Variants in MARCHF1 observed in about 807,000 individuals in gnomAD.
The protein encoded by MARCHF1 is membrane associated ring-CH-type finger 1.
In MARCHF1, 40 loss-of-function variants were observed where a neutral mutation model predicts 54.2. The ratio of observed to expected loss-of-function variants is 0.74; its 90% CI spans 0.57 to 0.96. MARCHF1 has a LOEUF of 0.96. Among genes scored for constraint, MARCHF1 ranks in the 40% least tolerant of loss-of-function variants. The pLI is 0.00. For synonymous variants in MARCHF1, 236 were observed against 236.3 expected, an observed-to-expected ratio of 1.00 and a Z score of 0.01; for missense variants, 586 against 656.5, an observed-to-expected ratio of 0.89 and a Z score of 1.17.
At chr4:164,043,374 C>A (rs906350452) in intron 2 of MARCHF1, among the ~76,000 whole-genome samples, 1 of 152,150 alleles carries the variant, frequency 6.6e-6, no homozygotes, top group Non-Finnish European at 1.5e-5. Flanking sequence ...ATGGAAACTG[C>A]CAAGGCTTGG....
chr4:163,988,753 A>G (rs1192284007), intron 2 of MARCHF1, 44 bp from the exon 3 acceptor site: 2 of 152,270 alleles, frequency 1.3e-5, no homozygotes, highest in African/African-American at 4.8e-5. Flanking sequence ...ACTGTGCAGC[A>G]GAGGCCAGAG....
At chr4:163,781,149 G>C (rs563137456) in intron 4 of MARCHF1, among the ~76,000 whole-genome samples, 4 of 152,228 alleles carry the variant, frequency 2.6e-5, no homozygotes, top group Non-Finnish European at 4.4e-5. Flanking sequence ...TCAGGAGTTC[G>C]AGACCAGCCT....
chr4:164,318,827 A>G (rs1245055772), intron 1 of MARCHF1, among the ~76,000 whole-genome samples: 1 of 152,240 alleles, frequency 6.6e-6, no homozygotes, highest in Admixed American at 6.5e-5. Flanking sequence ...AGTACTTGTT[A>G]TAAAAAAATT....
intron 4 of MARCHF1, among the ~76,000 whole-genome samples, chr4:163,813,596 T>A (rs922301651): frequency 6.6e-6 from 1 of 152,200 alleles, no homozygotes; most frequent in South Asian, 2.1e-4. Context: ...TTTGAATACA[T>A]AAATTACCTT....
chr4:163,697,122 G>A (rs1561024983), intron 5 of MARCHF1, among the ~76,000 whole-genome samples: 2 of 152,112 alleles, frequency 1.3e-5, no homozygotes, highest in Admixed American at 6.6e-5. Flanking sequence ...TGCTCAATGA[G>A]TTTGACGACA....
intron 1 of MARCHF1, among the ~76,000 whole-genome samples, chr4:164,277,182 A>G (rs2111327430): frequency 6.6e-6 from 1 of 152,042 alleles, no homozygotes; most frequent in Non-Finnish European, 1.5e-5. Flanking sequence ...TGACATATTA[A>G]AAGTAAACAT....
At chr4:164,006,339 A>T (rs1241356037) in intron 2 of MARCHF1, among the ~76,000 whole-genome samples, 2 of 152,186 alleles carry the variant, frequency 1.3e-5, no homozygotes, top group Non-Finnish European at 2.9e-5. Context: ...AGAACTCATT[A>T]GAGGCTCTCA....
intron 1 of MARCHF1, among the ~76,000 whole-genome samples, chr4:164,297,789 T>C (rs1047513226): frequency 6.6e-6 from 1 of 152,166 alleles, no homozygotes; most frequent in African/African-American, 2.4e-5. Flanking sequence ...GCAATTTTTC[T>C]ATAAATCTAA....
chr4:163,641,629 C>T (rs1380815794), intron 5 of MARCHF1, among the ~76,000 whole-genome samples: 3 of 152,160 alleles, frequency 2.0e-5, no homozygotes, highest in Admixed American at 2.0e-4. Context: ...ATGTTCCTTT[C>T]TGAAGTCCTA....
chr4:163,581,195 G>A (rs1056924433), intron 8 of MARCHF1, among the ~76,000 whole-genome samples: 5 of 152,316 alleles, frequency 3.3e-5, no homozygotes, highest in Admixed American at 6.5e-5. Context: ...GAATCAGGGA[G>A]CTTTGAGTTG....
intron 4 of MARCHF1, among the ~76,000 whole-genome samples, chr4:163,791,221 A>G (rs1747766082): frequency 6.6e-6 from 1 of 152,118 alleles, no homozygotes. Flanking sequence ...GAAACTTACG[A>G]TAGGTATGTG....
intron 3 of MARCHF1, among the ~76,000 whole-genome samples, chr4:163,983,406 T>C (rs1035149542): frequency 6.6e-6 from 1 of 152,152 alleles, no homozygotes; most frequent in African/African-American, 2.4e-5. Context: ...TTATTATTTA[T>C]TTTTTCCATA....
chr4:164,321,199 G>A (rs1735135302), intron 1 of MARCHF1, among the ~76,000 whole-genome samples: 1 of 152,184 alleles, frequency 6.6e-6, no homozygotes, highest in Non-Finnish European at 1.5e-5. Flanking sequence ...GTAGAAGACA[G>A]CTGATGATTT....
chr4:164,067,674 A>G (rs1371264260), intron 2 of MARCHF1, among the ~76,000 whole-genome samples: 1 of 152,210 alleles, frequency 6.6e-6, no homozygotes, highest in African/African-American at 2.4e-5. Context: ...GCCTTGGCAA[A>G]GAATTTTTGG....
At chr4:164,022,038 TC>T (rs1214379220) in intron 2 of MARCHF1, among the ~76,000 whole-genome samples, 1 of 152,080 alleles carries the variant, frequency 6.6e-6, no homozygotes, top group Non-Finnish European at 1.5e-5. Context: ...TTCCAGTTAT[TC>T]CCTCCTATTC....
At chr4:164,190,303 C>T (rs1482277194) in intron 1 of MARCHF1, 8 of 729,380 alleles carry the variant, frequency 1.1e-5, no homozygotes, top group African/African-American at 7.1e-5. Flanking sequence ...CTCCCAGCCA[C>T]GAAGAGGATA....
chr4:164,050,231 C>G (rs147645793), intron 2 of MARCHF1, among the ~76,000 whole-genome samples: 15 of 124,546 alleles, frequency 1.2e-4, no homozygotes, highest in Non-Finnish European at 2.2e-4. Flanking sequence ...GCCAAGATCA[C>G]GACACTGCAT....
chr4:163,845,530 C>T (rs958300167), intron 4 of MARCHF1, among the ~76,000 whole-genome samples: 6 of 151,734 alleles, frequency 4.0e-5, no homozygotes, highest in African/African-American at 1.5e-4. Context: ...TTTGAGTACC[C>T]ACCCACTGAT....
intron 2 of MARCHF1, 73 bp downstream of exon 2, chr4:164,111,515 A>G (rs1234721264): frequency 6.6e-6 from 1 of 151,786 alleles, no homozygotes; most frequent in Non-Finnish European, 1.5e-5. Flanking sequence ...CTAATTCCAA[A>G]TGAGAAAAGG....
Sources: allele counts gnomAD v4.1 joint callset (sites outside exome capture counted in the v4.1 genomes callset), GRCh38; gene constraint gnomAD v4.1.1; transcripts MANE v1.5; gene names NCBI Gene and HGNC (gene_info 2026-07-23, HGNC 2026-07-21).